Variants in FOCAD observed in about 807,000 individuals in gnomAD.
FOCAD encodes the protein focadhesin, also known as KIAA1797.
A neutral mutation model predicts 225.6 loss-of-function variants in FOCAD; 198 were observed. That is an observed-to-expected ratio of 0.88 (90% CI 0.78 to 0.99). FOCAD has a LOEUF of 0.99. Ranked by LOEUF, FOCAD falls within the 50% of genes least tolerant of loss-of-function variation. FOCAD has a pLI of 0.00. For synonymous variants in FOCAD, 897 were observed against 755.0 expected, an observed-to-expected ratio of 1.19 and a Z score of -3.08; for missense variants, 2,713 against 2,123.6, an observed-to-expected ratio of 1.28 and a Z score of -5.46.
intron 11 of FOCAD, among the ~76,000 whole-genome samples, chr9:20,790,015 A>G (rs1820359317): frequency 6.6e-6 from 1 of 152,224 alleles, no homozygotes; most frequent in Admixed American, 6.5e-5. Context: ...TACAATAGAC[A>G]TTAATATCTT....
intron 35 of FOCAD, among the ~76,000 whole-genome samples, chr9:20,963,138 G>A (rs1838915679): frequency 6.6e-6 from 1 of 152,074 alleles, no homozygotes. Flanking sequence ...AAAATTTTTT[G>A]TGAGTGTAGT....
At chr9:20,900,378 A>G (rs1022472826) in intron 21 of FOCAD, among the ~76,000 whole-genome samples, 1 of 151,868 alleles carries the variant, frequency 6.6e-6, no homozygotes, top group Non-Finnish European at 1.5e-5. Flanking sequence ...TCTGTTCTAA[A>G]TAAAATCTTT....
chr9:20,830,273 T>C (rs1825352165), intron 15 of FOCAD, among the ~76,000 whole-genome samples: 2 of 152,110 alleles, frequency 1.3e-5, no homozygotes, highest in African/African-American at 4.8e-5. Context: ...ATTAAGACTT[T>C]GCCTAAAGGT....
chr9:20,953,921 G>A (rs1837912602), intron 35 of FOCAD, among the ~76,000 whole-genome samples: 1 of 152,178 alleles, frequency 6.6e-6, no homozygotes, highest in African/African-American at 2.4e-5. Context: ...AAATCTGGAA[G>A]TGGCAGTTTG....
intron 21 of FOCAD, among the ~76,000 whole-genome samples, chr9:20,888,831 T>C (rs991694393): frequency 6.6e-6 from 1 of 152,124 alleles, no homozygotes; most frequent in African/African-American, 2.4e-5. Context: ...CCATTTAAGA[T>C]GTGACTCGCT....
At chr9:20,843,437 A>G (rs1473220985) in intron 15 of FOCAD, among the ~76,000 whole-genome samples, 1 of 152,036 alleles carries the variant, frequency 6.6e-6, no homozygotes, top group Non-Finnish European at 1.5e-5. Flanking sequence ...ACTCTCTCCT[A>G]GCCTGTAATG....
chr9:20,866,917 T>TTTTTTTTAAAAAA lies in FOCAD; in HGVS notation c.2107-12_2107-11insTTTTTTTAAAAAA. The TTTTTTTTAAAAAA allele has an allele frequency of 1.3e-6, 1 of 764,970 alleles. No individual in the cohort carries two copies. Among genetic ancestry groups the TTTTTTTTAAAAAA allele is most frequent in the African/African-American group, 2.0e-5 (1 of 48,870 alleles). 47.4% of individuals were successfully genotyped at this position (764,970 alleles called of 1,614,324 possible). A position where few individuals can be genotyped will look rare whatever the true frequency, so the allele number is the denominator to read the frequency against. ...TTTTTTTTTTTTTTTTTTTTTTTTTTACCCTATCTAGGACCCAATTGTAGC... is the reference window on the plus strand; with the variant it reads ...TTTTTTTTTTTTTTTTTTTTTTTTTTTTTTTTTAAAAAAACCCTATCTAGGACCCAATTGTAGC... On this transcript the variant is annotated splice_polypyrimidine_tract_variant and intron_variant, in intron 17 of 43. Coordinates refer to ENST00000338382, the MANE Select transcript of FOCAD (RefSeq NM_001375567.1).
At chr9:20,754,909 G>C (rs966869329) in intron 5 of FOCAD, among the ~76,000 whole-genome samples, 2 of 152,142 alleles carry the variant, frequency 1.3e-5, no homozygotes, top group Admixed American at 1.3e-4. Flanking sequence ...TATTACGTGA[G>C]CCTAAGGCTT....
At chr9:20,851,017 C>T (rs74538844) in intron 15 of FOCAD, among the ~76,000 whole-genome samples, 10 of 151,340 alleles carry the variant, frequency 6.6e-5, no homozygotes, top group Non-Finnish European at 1.3e-4. Context: ...TTGCTCAGTT[C>T]ACATTTCTTG....
chr9:20,820,188 A>C (rs769107681), intron 12 of FOCAD, 136 bp from the exon 13 acceptor site: 20 of 620,870 alleles, frequency 3.2e-5, no homozygotes, highest in Non-Finnish European at 3.6e-5. Context: ...TTCATCCTCT[A>C]AGAAGGTGGG....
chr9:20,658,436 T>A (rs1189608606), exon 1 of FOCAD: 5 of 161,876 alleles, frequency 3.1e-5, no homozygotes, highest in Non-Finnish European at 6.6e-5. Context: ...TGAGACTCCG[T>A]GGGCGTAGGA....
At chr9:20,820,844 A>G (rs2131417826) in intron 13 of FOCAD, 97 bp from the exon 14 acceptor site, 1 of 1,346,034 alleles carries the variant, frequency 7.4e-7, no homozygotes, top group East Asian at 2.3e-5. Context: ...TGCAATGCAA[A>G]TGGAGGATTT....
At chr9:20,931,603 C>A (rs1182031626) in intron 27 of FOCAD, among the ~76,000 whole-genome samples, 1 of 152,120 alleles carries the variant, frequency 6.6e-6, no homozygotes, top group African/African-American at 2.4e-5. Flanking sequence ...CCAATGTGGT[C>A]CTTTAATGGG....
At chr9:20,908,969 A>G (rs187844055) in intron 22 of FOCAD, among the ~76,000 whole-genome samples, 5 of 152,200 alleles carry the variant, frequency 3.3e-5, no homozygotes, top group East Asian at 1.9e-4. Flanking sequence ...CCAGTACAGT[A>G]TCTTTGATGC....
chr9:20,817,757 T>C (rs544089315), intron 11 of FOCAD, among the ~76,000 whole-genome samples: 1 of 152,290 alleles, frequency 6.6e-6, no homozygotes, highest in African/African-American at 2.4e-5. Context: ...TCCCATTTTA[T>C]GGTTATACTG....
chr9:20,803,784 G>A (rs145999192), intron 11 of FOCAD, among the ~76,000 whole-genome samples: 14 of 152,220 alleles, frequency 9.2e-5, no homozygotes, highest in African/African-American at 3.1e-4. Context: ...TCGAGGTGAA[G>A]ACACCCTAAC....
At chr9:20,771,861 C>T (rs1346794866) in intron 8 of FOCAD, among the ~76,000 whole-genome samples, 2 of 152,182 alleles carry the variant, frequency 1.3e-5, no homozygotes, top group African/African-American at 4.8e-5. Context: ...CTCTTAATGG[C>T]TTGCAGCTGG....
chr9:20,715,434 C>T lies in FOCAD; in HGVS notation c.57+24C>T, dbSNP rs371001109. On this transcript the variant is annotated intron_variant, in intron 2 of 43. Coordinates refer to ENST00000338382, the MANE Select transcript of FOCAD (RefSeq NM_001375567.1). ...AGGTAATTTTGTTTGTTTATTTTTGCTCATGGTAACAAATAAACCTGTTCT... is the reference window on the plus strand; with the variant it reads ...AGGTAATTTTGTTTGTTTATTTTTGTTCATGGTAACAAATAAACCTGTTCT... 6.8e-5 allele frequency: 98 copies of T among 1,443,186 alleles called. No individual in the cohort carries two copies. The Middle Eastern group carries it at 5.7e-3, about 84-fold the overall frequency. The allele number at this position is 1,443,186 out of a possible 1,614,324, so 89.4% of individuals were successfully genotyped here.
At chr9:20,990,438 G>A in intron 42 of FOCAD, 64 bp downstream of exon 42, 16 of 1,571,888 alleles carry the variant, frequency 1.0e-5, no homozygotes, top group East Asian at 4.6e-5. Flanking sequence ...AGTTTCTACT[G>A]TAGAATTGAG....
Sources: gnomAD v4.1 joint callset for allele counts (sites outside exome capture counted in the v4.1 genomes callset) on GRCh38, gnomAD v4.1.1 for gene constraint, MANE v1.5 for transcripts, NCBI Gene and HGNC (gene_info 2026-07-23, HGNC 2026-07-21) for gene names.